Variants in SUGCT observed in about 807,000 individuals in gnomAD.
The protein encoded by SUGCT is succinyl-CoA:glutarate CoA-transferase.
In SUGCT, 41 loss-of-function variants were observed where a neutral mutation model predicts 55.0. That is an observed-to-expected ratio of 0.74 (90% confidence interval 0.58 to 0.97). The LOEUF (loss-of-function observed/expected upper bound fraction) is 0.97, where lower values mean the gene tolerates loss of function less well. Among genes scored for constraint, SUGCT ranks in the 50% least tolerant of loss-of-function variants. The pLI is 0.00. For synonymous variants in SUGCT, 187 were observed against 200.4 expected, an observed-to-expected ratio of 0.93 and a Z score of 0.56; for missense variants, 568 against 547.8, an observed-to-expected ratio of 1.04 and a Z score of -0.37.
the SUGCT span, among the ~76,000 whole-genome samples, chr7:40,922,199 A>G: frequency 3.9e-5 from 6 of 152,172 alleles, no homozygotes; most frequent in Non-Finnish European, 7.4e-5. Context: ...AAATCGGACT[A>G]TGTCTTCTAG....
intron 12 of SUGCT, among the ~76,000 whole-genome samples, chr7:40,584,246 T>C (rs911869937): frequency 3.9e-5 from 6 of 152,166 alleles, no homozygotes; most frequent in Admixed American, 1.3e-4. Context: ...TGGAGTGCTT[T>C]ACAAAAGAAT....
chr7:40,691,869 G>T (rs1784715176), intron 12 of SUGCT, among the ~76,000 whole-genome samples: 1 of 152,186 alleles, frequency 6.6e-6, no homozygotes, highest in African/African-American at 2.4e-5. Flanking sequence ...AATGTGGGCA[G>T]ATTTCAAGAG....
At chr7:40,652,457 A>G (rs933542860) in intron 12 of SUGCT, among the ~76,000 whole-genome samples, 5 of 152,210 alleles carry the variant, frequency 3.3e-5, no homozygotes, top group African/African-American at 7.2e-5. Context: ...TCAAAGCTGT[A>G]CTATTCTACC....
At chr7:40,968,812 T>A in the SUGCT span, among the ~76,000 whole-genome samples, 1 of 152,162 alleles carries the variant, frequency 6.6e-6, no homozygotes, top group Non-Finnish European at 1.5e-5. Context: ...GGGCTGTGGC[T>A]GAGCTGCTAC....
At chr7:40,729,683 G>A (rs886295830) in intron 12 of SUGCT, among the ~76,000 whole-genome samples, 3 of 152,150 alleles carry the variant, frequency 2.0e-5, no homozygotes, top group African/African-American at 4.8e-5. Context: ...ACTTTATCTT[G>A]TAGACCAACA....
At chr7:40,245,421 A>ATATATG (rs1789765025) in intron 7 of SUGCT, among the ~76,000 whole-genome samples, 1 of 39,902 alleles carries the variant, frequency 2.5e-5, no homozygotes, top group Non-Finnish European at 4.7e-5. Flanking sequence ...ATATATATAT[A>ATATATG]TATTTTTTTT....
At chr7:40,924,609 T>C in the SUGCT span, among the ~76,000 whole-genome samples, 3 of 152,158 alleles carry the variant, frequency 2.0e-5, no homozygotes, top group Non-Finnish European at 4.4e-5. Flanking sequence ...CTTGGATGAT[T>C]AGCCCATCAG....
intron 12 of SUGCT, among the ~76,000 whole-genome samples, chr7:40,564,647 A>C (rs1490184291): frequency 6.6e-6 from 1 of 152,194 alleles, no homozygotes; most frequent in African/African-American, 2.4e-5. Context: ...TTGACAATGA[A>C]GAAAATTGTA....
At chr7:40,149,043 AGGGGT>A (rs1788412751) in intron 1 of SUGCT, among the ~76,000 whole-genome samples, 1 of 152,084 alleles carries the variant, frequency 6.6e-6, no homozygotes, top group Non-Finnish European at 1.5e-5. Context: ...AAGAGATGGT[AGGGGT>A]GGGGAACCTT....
intron 7 of SUGCT, among the ~76,000 whole-genome samples, chr7:40,239,353 A>G (rs573949575): frequency 1.3e-4 from 20 of 152,302 alleles, no homozygotes; most frequent in African/African-American, 4.8e-4. Flanking sequence ...GATTACAGGC[A>G]TGAGCTGCTG....
chr7:40,690,697 T>C (rs1408705217), intron 12 of SUGCT, among the ~76,000 whole-genome samples: 1 of 151,916 alleles, frequency 6.6e-6, no homozygotes, highest in Non-Finnish European at 1.5e-5. Context: ...GCCTCCCGAG[T>C]AGCTGGGACT....
At chr7:40,323,752 GT>G (rs1795867318) in intron 9 of SUGCT, among the ~76,000 whole-genome samples, 1 of 152,134 alleles carries the variant, frequency 6.6e-6, no homozygotes, top group Non-Finnish European at 1.5e-5. Flanking sequence ...CAAAATCCCA[GT>G]GCGGATAGAC....
At chr7:40,885,193 G>T in the SUGCT span, among the ~76,000 whole-genome samples, 2 of 152,090 alleles carry the variant, frequency 1.3e-5, no homozygotes, top group Admixed American at 1.3e-4. Flanking sequence ...AGCAGAAAAG[G>T]CTGTAATACT....
At chr7:40,490,843 A>G (rs939825621) in intron 11 of SUGCT, among the ~76,000 whole-genome samples, 5 of 152,258 alleles carry the variant, frequency 3.3e-5, no homozygotes, top group Non-Finnish European at 7.4e-5. Flanking sequence ...TCCCTAAGAC[A>G]TACTGCAAGA....
intron 6 of SUGCT, among the ~76,000 whole-genome samples, chr7:40,199,046 T>G (rs1786450187): frequency 2.7e-5 from 4 of 146,424 alleles, no homozygotes; most frequent in South Asian, 4.3e-4. Context: ...TGTGTGTGTG[T>G]TTTTTTTTTA....
chr7:41,028,513 C>A, the SUGCT span, among the ~76,000 whole-genome samples: 4 of 152,250 alleles, frequency 2.6e-5, no homozygotes, highest in Admixed American at 2.6e-4. Flanking sequence ...CTTACACAAA[C>A]CTAGGAGGCA....
downstream of SUGCT, among the ~76,000 whole-genome samples, chr7:40,864,219 C>T (rs1029778535): frequency 3.9e-5 from 6 of 152,110 alleles, no homozygotes; most frequent in African/African-American, 7.2e-5. Flanking sequence ...TGCAGTGGTG[C>T]GATCTCAGCT....
chr7:40,272,068 GCTCTCTCT>G (rs369167019), intron 7 of SUGCT, among the ~76,000 whole-genome samples: 3,826 of 92,824 alleles, frequency 0.041, 112 homozygotes, highest in East Asian at 0.087. Flanking sequence ...TCTCTGTCTC[GCTCTCTCT>G]CTCTCTCTCT....
chr7:40,778,214 A>G (rs1260758371), intron 13 of SUGCT, among the ~76,000 whole-genome samples: 1 of 145,868 alleles, frequency 6.9e-6, no homozygotes, highest in African/African-American at 2.5e-5. Flanking sequence ...TACTTTATAA[A>G]TCATAGCTGC....
Sources: gnomAD v4.1 joint callset for allele counts (sites outside exome capture counted in the v4.1 genomes callset) on GRCh38, gnomAD v4.1.1 for gene constraint, MANE v1.5 for transcripts, NCBI Gene and HGNC (gene_info 2026-07-23, HGNC 2026-07-21) for gene names.